The following EIF2S1 variants were observed in gnomAD, a reference collection of about 807,000 sequenced individuals.
EIF2S1 encodes the protein eukaryotic translation initiation factor 2 subunit alpha, also known as eukaryotic translation initiation factor 2 subunit 1.
In EIF2S1, 5 loss-of-function variants were observed where a neutral mutation model predicts 33.5. That is an observed-to-expected ratio of 0.15 (90% confidence interval 0.08 to 0.31). The LOEUF is 0.31. Among genes scored for constraint, EIF2S1 ranks in the 10% least tolerant of loss-of-function variants. The pLI is 1.00. For missense variants in EIF2S1, 191 were observed against 384.6 expected (o/e 0.50, Z 4.21); for synonymous variants, 99 against 127.5 (o/e 0.78, Z 1.51).
intron 5 of EIF2S1, among the ~76,000 whole-genome samples, chr14:67,381,182 G>A (rs1304839581): frequency 6.6e-6 from 1 of 152,106 alleles, no homozygotes; most frequent in Non-Finnish European, 1.5e-5. Flanking sequence ...GCTGGGTAAT[G>A]TTTCATAGAA....
chr14:67,376,438 G>T lies in EIF2S1; in HGVS notation c.322-1G>T. ...TGTTGAGCTTTTCATTTTATTTCTA[G>T]GTTTATAGCATTCTTCGTCATGTTG... On this transcript the variant is annotated splice_acceptor_variant, in intron 3 of 7. Transcript: ENST00000256383. LOFTEE classifies it high-confidence loss of function. 6.3e-7 allele frequency: 1 copy of T among 1,588,338 alleles called. No individual in the cohort carries two copies. Among genetic ancestry groups the T allele is most frequent in the Non-Finnish European group, 8.6e-7 (1 of 1,166,542 alleles).
intron 7 of EIF2S1, 88 bp from the exon 8 acceptor site, chr14:67,383,227 A>G: frequency 1.4e-6 from 2 of 1,422,932 alleles, no homozygotes; most frequent in East Asian, 5.0e-5. Flanking sequence ...AGTGTTAAAG[A>G]GAGAAAACAT....
intron 1 of EIF2S1, chr14:67,364,341 G>A (rs1460163695): frequency 6.5e-6 from 1 of 154,632 alleles, no homozygotes; most frequent in Non-Finnish European, 1.4e-5. Flanking sequence ...TATAGTGAGT[G>A]GTAGCGTATA....
chr14:67,364,646 A>G (rs1232683021), intron 1 of EIF2S1, 121 bp from the exon 2 acceptor site: 1 of 1,002,914 alleles, frequency 1.0e-6, no homozygotes, highest in South Asian at 1.8e-5. Context: ...GGATGAGAAG[A>G]CTAAGACTAA....
At chr14:67,367,577 C>T (rs1174605302) in intron 2 of EIF2S1, among the ~76,000 whole-genome samples, 2 of 152,256 alleles carry the variant, frequency 1.3e-5, no homozygotes, top group Non-Finnish European at 2.9e-5. Context: ...TCAGCATTCT[C>T]ATAAATACGG....
At chr14:67,362,719 C>T (rs2085751073) in intron 1 of EIF2S1, among the ~76,000 whole-genome samples, 1 of 151,874 alleles carries the variant, frequency 6.6e-6, no homozygotes, top group African/African-American at 2.4e-5. Context: ...CCTAGTGTGA[C>T]TTCGATATTG....
At chr14:67,362,402 A>G (rs2085748899) in intron 1 of EIF2S1, among the ~76,000 whole-genome samples, 1 of 152,224 alleles carries the variant, frequency 6.6e-6, no homozygotes, top group Non-Finnish European at 1.5e-5. Context: ...ATTATATTAC[A>G]AAATGGAAAT....
chr14:67,361,351 T>A (rs576887834), intron 1 of EIF2S1, among the ~76,000 whole-genome samples: 5 of 152,344 alleles, frequency 3.3e-5, no homozygotes, highest in Admixed American at 1.3e-4. Flanking sequence ...TGCTACCTAT[T>A]CTTAGTTCAT....
rs2085837652 is a variant in EIF2S1, at chr14:67,373,468, C to A, written c.242-1000C>A. On this transcript the variant is annotated intron_variant, in intron 2 of 7. Transcript: ENST00000256383. ...AATTTGTCACCCATTCATAATAAGT[C>A]AGCAAACAAGAACTAAAAGGGAATT... Among the ~76,000 whole-genome samples, 2 of 152,130 alleles carry A rather than the reference C, an allele frequency of 1.3e-5. 1 individual carries two copies. The highest frequency in any genetic ancestry group is 4.1e-4 in the South Asian group (2 of 4,822).
chr14:67,373,226 G>A (rs1460959998), intron 2 of EIF2S1, among the ~76,000 whole-genome samples: 1 of 152,150 alleles, frequency 6.6e-6, no homozygotes, highest in East Asian at 1.9e-4. Flanking sequence ...AGTGGCTTCA[G>A]GGGTGATGGA....
chr14:67,365,876 GC>G (rs2085773646), intron 2 of EIF2S1, among the ~76,000 whole-genome samples: 1 of 151,922 alleles, frequency 6.6e-6, no homozygotes, highest in Non-Finnish European at 1.5e-5. Flanking sequence ...TTTTATTATA[GC>G]CTTAGATGAT....
chr14:67,371,580 T>A (rs2085821923), intron 2 of EIF2S1, among the ~76,000 whole-genome samples: 1 of 152,220 alleles, frequency 6.6e-6, no homozygotes, highest in South Asian at 2.1e-4. Context: ...GGTTGTTTAG[T>A]ATACTCTATT....
rs759220429 is a variant in EIF2S1, at chr14:67,385,081, T to C, written c.*1641T>C. On this transcript the variant is annotated 3_prime_UTR_variant, in exon 8 of 8. Coordinates refer to ENST00000256383, the MANE Select transcript of EIF2S1 (RefSeq NM_004094.5). ...TGATTTTTATCCCACGTGGGCCTTT[T>C]GCTCAGTTCCATGGCAATTTTGTAA... The C allele has an allele frequency of 2.0e-5, 3 of 152,308 alleles. No homozygotes were observed. Among genetic ancestry groups the C allele is most frequent in the Non-Finnish European group, 4.4e-5 (3 of 68,026 alleles). The allele number at this position is 152,308 out of a possible 1,614,324, so 9.4% of individuals were successfully genotyped here. A position where few individuals can be genotyped will look rare whatever the true frequency, so the allele number is the denominator to read the frequency against.
rs773265331 is a variant in EIF2S1 at position 67,383,432 on chromosome 14, G to C, written c.940G>C (p.Glu314Gln). ...TGCAGAAGAAATGGAAGCCAAAGCT[G>C]AAGATTAACTTTGTGGGAAACAGAG... The part of the protein sequence containing the change: ...DDAEEMEAKA[E>Q]D Residue 314 changes from glutamate to glutamine, a missense_variant, in exon 8 of 8, where the codon GAA becomes CAA. By Grantham distance (29) the Glu-to-Gln change is conservative. Coordinates refer to ENST00000256383, the MANE Select transcript of EIF2S1 (RefSeq NM_004094.5). 4.3e-5 allele frequency: 69 copies of C among 1,613,156 alleles called. No homozygotes were observed. The Admixed American group carries it at 6.0e-4, about 14-fold the overall frequency.
chr14:67,381,067 A>G (rs750207374), intron 5 of EIF2S1, among the ~76,000 whole-genome samples: 46 of 152,332 alleles, frequency 3.0e-4, no homozygotes, highest in South Asian at 1.2e-3. Flanking sequence ...TTTTACAAAG[A>G]TGAGACATAC....
rs2085919254 is a variant in EIF2S1, at chr14:67,385,741, T to A, written c.*2301T>A. The stretch of plus-strand genomic sequence containing the variant: ...CCTGGGCTCAAGCTATCCTCCTGCC[T>A]CTGCCTCTGTAAGAGTGTGAGCCAC... On this transcript the variant is annotated 3_prime_UTR_variant, in exon 8 of 8. Transcript: ENST00000256383. 6.7e-6 allele frequency: 1 copy of A among 149,616 alleles called. No homozygotes were observed. The highest frequency in any genetic ancestry group is 1.5e-5 in the Non-Finnish European group (1 of 67,620). 9.3% of individuals were successfully genotyped at this position (149,616 alleles called of 1,614,324 possible). A position where few individuals can be genotyped will look rare whatever the true frequency, so the allele number is the denominator to read the frequency against.
Position 67,385,000 on chromosome 14 carries a change from A to G in EIF2S1, c.*1560A>G, listed in dbSNP as rs1331976382. 2.6e-5 allele frequency: 4 copies of G among 152,150 alleles called. No individual in the cohort carries two copies. The highest frequency in any genetic ancestry group is 5.9e-5 in the Non-Finnish European group (4 of 68,016). The allele number at this position is 152,150 out of a possible 1,614,324, so 9.4% of individuals were successfully genotyped here. A position where few individuals can be genotyped will look rare whatever the true frequency, so the allele number is the denominator to read the frequency against. On this transcript the variant is annotated 3_prime_UTR_variant, in exon 8 of 8. Coordinates refer to ENST00000256383, the MANE Select transcript of EIF2S1 (RefSeq NM_004094.5). ...TTTTCTTTTGATTTTGTTTACTGAA[A>G]TTTGTTATACTTCAAAAGCCATAAC...
intron 4 of EIF2S1, among the ~76,000 whole-genome samples, chr14:67,377,934 T>G (rs2085865795): frequency 6.6e-6 from 1 of 151,322 alleles, no homozygotes; most frequent in South Asian, 2.1e-4. Context: ...ATAGCAAGAC[T>G]GCCATCTCTA....
intron 3 of EIF2S1, among the ~76,000 whole-genome samples, chr14:67,375,082 C>T (rs2085849664): frequency 6.6e-6 from 1 of 152,126 alleles, no homozygotes; most frequent in Non-Finnish European, 1.5e-5. Context: ...AGGATTATTT[C>T]TTTTTGCATT....
Sources: allele counts gnomAD v4.1 joint callset (sites outside exome capture counted in the v4.1 genomes callset), GRCh38; gene constraint gnomAD v4.1.1; transcripts MANE v1.5; gene names NCBI Gene and HGNC (gene_info 2026-07-23, HGNC 2026-07-21).